Variants in ULK4 observed in about 807,000 individuals in gnomAD.
The protein encoded by ULK4 is unc-51 like kinase 4, also known as inactive serine/threonine-protein kinase ULK4.
A neutral mutation model predicts 160.6 loss-of-function variants in ULK4; 133 were observed. The observed-to-expected ratio is 0.83, with a 90% CI of 0.72 to 0.96. The LOEUF (loss-of-function observed/expected upper bound fraction) is 0.96, where lower values mean the gene tolerates loss of function less well. ULK4 is among the 40% of genes least tolerant of loss of function. The pLI, the probability that ULK4 is intolerant of heterozygous loss-of-function variation, is 0.00. For missense variants in ULK4, 1,580 were observed against 1,499.5 expected (o/e 1.05, Z -0.89); for synonymous variants, 534 against 539.8 (o/e 0.99, Z 0.15).
intron 22 of ULK4, among the ~76,000 whole-genome samples, chr3:41,744,030 G>A (rs1559522301): frequency 1.3e-5 from 2 of 151,904 alleles, no homozygotes; most frequent in South Asian, 4.1e-4. Flanking sequence ...GCTATTATAA[G>A]TTATGTATGT....
chr3:41,681,440 C>A (rs1337923467), intron 29 of ULK4, 68 bp downstream of exon 29: 1 of 1,593,668 alleles, frequency 6.3e-7, no homozygotes, highest in Admixed American at 1.7e-5. Flanking sequence ...CATCACTGAA[C>A]CTAGTTTGAC....
rs542817932 is a variant in ULK4, at chr3:41,322,093, G to A, written c.3679-72519C>T. Among the ~76,000 whole-genome samples, 84 of 143,992 alleles carry A rather than the reference G, an allele frequency of 5.8e-4. 6 individuals carry two copies. Among genetic ancestry groups the A allele is most frequent in the South Asian group, 2.2e-4 (1 of 4,616 alleles). The allele number at this position is 143,992 out of a possible 152,430, so 94.5% of individuals were successfully genotyped here. ...GTCACCCAGGCTGGAGTGCAGTGGC[G>A]CGATCTCGGCTCACTACAACCTCCA... On this transcript the variant is annotated intron_variant, in intron 35 of 36. Coordinates refer to ENST00000301831, the MANE Select transcript of ULK4 (RefSeq NM_017886.4).
chr3:41,420,284 A>G (rs1418276294), intron 34 of ULK4, among the ~76,000 whole-genome samples: 1 of 151,766 alleles, frequency 6.6e-6, no homozygotes, highest in African/African-American at 2.4e-5. Context: ...ATTTTTAATG[A>G]TAGTCTTCCC....
In ULK4 at chr3:41,848,308, T is replaced by A. The variant is rs1307808701; in HGVS notation, c.1657-12337A>T. On this transcript the variant is annotated intron_variant, in intron 17 of 36. Transcript: ENST00000301831. ...AGTCATTTAAAAAGTTTGGAGATAC[T>A]AGGTAAACAAACTTTACAAACTTCC... Among the ~76,000 whole-genome samples the A allele has an allele frequency of 2.0e-5, 3 of 152,338 alleles. No homozygotes were observed. In the East Asian group the frequency reaches 5.8e-4, roughly 29 times the overall value.
chr3:41,728,536 G>A (rs2037724282), intron 22 of ULK4, among the ~76,000 whole-genome samples: 3 of 152,024 alleles, frequency 2.0e-5, no homozygotes, highest in Admixed American at 1.3e-4. Flanking sequence ...CTCCAACAAC[G>A]CAGATCAAAT....
At chr3:41,819,047 T>C (rs1459247141) in intron 19 of ULK4, among the ~76,000 whole-genome samples, 1 of 152,242 alleles carries the variant, frequency 6.6e-6, no homozygotes, top group Non-Finnish European at 1.5e-5. Context: ...TCTGACAAGA[T>C]AATCATGGGT....
At chr3:41,933,726 C>CCA (rs1225048075) in intron 4 of ULK4, among the ~76,000 whole-genome samples, 1 of 151,070 alleles carries the variant, frequency 6.6e-6, no homozygotes, top group Non-Finnish European at 1.5e-5. Context: ...CTGAAAACTG[C>CCA]CACACACAAA....
At chr3:41,908,690 C>T (rs1418904101) in intron 11 of ULK4, among the ~76,000 whole-genome samples, 2 of 152,080 alleles carry the variant, frequency 1.3e-5, no homozygotes, top group African/African-American at 2.4e-5. Context: ...ATGATCCACC[C>T]GCCTCAGCCA....
chr3:41,259,034 A>G (rs926304147), intron 35 of ULK4, among the ~76,000 whole-genome samples: 4 of 149,006 alleles, frequency 2.7e-5, no homozygotes, highest in African/African-American at 9.8e-5. Context: ...ATGTGTATAT[A>G]TACGTATACA....
At chr3:41,362,520 G>A (rs940596860) in intron 35 of ULK4, among the ~76,000 whole-genome samples, 1 of 152,142 alleles carries the variant, frequency 6.6e-6, no homozygotes, top group African/African-American at 2.4e-5. Context: ...TGATGATGAT[G>A]GTTAAACTGT....
chr3:41,595,917 A>G (rs1263132669), intron 31 of ULK4, among the ~76,000 whole-genome samples: 1 of 152,220 alleles, frequency 6.6e-6, no homozygotes. Flanking sequence ...AAATGAAGGA[A>G]TAGCTGCAGA....
intron 35 of ULK4, among the ~76,000 whole-genome samples, chr3:41,316,926 A>G (rs2080152370): frequency 6.6e-6 from 1 of 152,122 alleles, no homozygotes; most frequent in African/African-American, 2.4e-5. Context: ...ATTTCCCTCT[A>G]GACTTTTGCT....
chr3:41,384,493 C>T (rs2081752905), intron 35 of ULK4, among the ~76,000 whole-genome samples: 1 of 152,086 alleles, frequency 6.6e-6, no homozygotes, highest in Admixed American at 6.5e-5. Flanking sequence ...AGTTCAAGAC[C>T]AGCCTGGGCA....
intron 3 of ULK4, 120 bp from the exon 4 acceptor site, chr3:41,936,060 G>C (rs1699767951): frequency 4.6e-6 from 6 of 1,298,400 alleles, no homozygotes; most frequent in African/African-American, 1.5e-5. Flanking sequence ...AACGCTGACA[G>C]CCTGGTCAAG....
chr3:41,410,524 G>A (rs1239725591), intron 34 of ULK4, among the ~76,000 whole-genome samples: 1 of 152,122 alleles, frequency 6.6e-6, no homozygotes, highest in African/African-American at 2.4e-5. Flanking sequence ...GGGAGGGAAT[G>A]GGGAATGACT....
intron 17 of ULK4, among the ~76,000 whole-genome samples, chr3:41,857,347 T>C (rs1380395063): frequency 1.3e-5 from 2 of 152,244 alleles, no homozygotes; most frequent in African/African-American, 4.8e-5. Flanking sequence ...AGTTTCCTAG[T>C]ATTTTGTTGA....
intron 35 of ULK4, among the ~76,000 whole-genome samples, chr3:41,302,405 A>T (rs2079817892): frequency 6.6e-6 from 1 of 152,186 alleles, no homozygotes; most frequent in South Asian, 2.1e-4. Flanking sequence ...GGAAACCAGG[A>T]ATCAGAGAGG....
chr3:41,772,145 C>T (rs933277483), intron 21 of ULK4, among the ~76,000 whole-genome samples: 2 of 152,126 alleles, frequency 1.3e-5, no homozygotes, highest in Non-Finnish European at 1.5e-5. Flanking sequence ...GACACCCTAT[C>T]ACAATTAAAA....
chr3:41,570,183 T>G (rs2087922332), intron 31 of ULK4, among the ~76,000 whole-genome samples: 2 of 152,254 alleles, frequency 1.3e-5, no homozygotes, highest in African/African-American at 4.8e-5. Flanking sequence ...CTTGATTTCA[T>G]ATGGGTTTTG....
Sources: allele counts gnomAD v4.1 joint callset (sites outside exome capture counted in the v4.1 genomes callset), GRCh38; gene constraint gnomAD v4.1.1; transcripts MANE v1.5; gene names NCBI Gene and HGNC (gene_info 2026-07-23, HGNC 2026-07-21).